SPATA17: variants seen among roughly 807,000 people sequenced by gnomAD.
SPATA17 encodes spermatogenesis-associated protein 17.
SPATA17 carries 53 observed loss-of-function variants against 62.2 expected under a neutral mutation model. The observed-to-expected ratio is 0.85, with a 90% CI of 0.68 to 1.07. SPATA17 has a LOEUF of 1.07. Among genes scored for constraint, SPATA17 ranks in the 50% least tolerant of loss-of-function variants. SPATA17 has a pLI of 0.00. For synonymous variants in SPATA17, 146 were observed against 146.8 expected, an observed-to-expected ratio of 0.99 and a Z score of 0.04; for missense variants, 466 against 425.5, an observed-to-expected ratio of 1.10 and a Z score of -0.84.
chr1:217,831,458 C>T (rs1675139535), intron 9 of SPATA17, among the ~76,000 whole-genome samples: 1 of 152,092 alleles, frequency 6.6e-6, no homozygotes, highest in Non-Finnish European at 1.5e-5. Flanking sequence ...ATGCCAAATA[C>T]TAGGGAAGCA....
At chr1:217,677,923 T>C (rs1670987774) in intron 4 of SPATA17, among the ~76,000 whole-genome samples, 1 of 152,190 alleles carries the variant, frequency 6.6e-6, no homozygotes, top group African/African-American at 2.4e-5. Flanking sequence ...TAATATTTTA[T>C]GTATAAATAT....
intron 9 of SPATA17, among the ~76,000 whole-genome samples, chr1:217,843,817 C>A: frequency 6.6e-6 from 1 of 152,240 alleles, no homozygotes; most frequent in East Asian, 1.9e-4. Context: ...TTTCTAATCC[C>A]TTTTCTATAG....
chr1:217,637,299 A>C (rs1208736064), intron 1 of SPATA17, among the ~76,000 whole-genome samples: 1 of 152,202 alleles, frequency 6.6e-6, no homozygotes, highest in Non-Finnish European at 1.5e-5. Flanking sequence ...AATATAAAGA[A>C]GATCAAAGAT....
intron 5 of SPATA17, among the ~76,000 whole-genome samples, chr1:217,699,051 A>T (rs1270258416): frequency 6.6e-6 from 1 of 152,106 alleles, no homozygotes; most frequent in African/African-American, 2.4e-5. Flanking sequence ...GCATGTATTG[A>T]TATTTCCTTT....
chr1:217,714,231 T>G (rs1464827531), intron 5 of SPATA17, among the ~76,000 whole-genome samples: 1 of 151,636 alleles, frequency 6.6e-6, no homozygotes, highest in African/African-American at 2.4e-5. Context: ...CTACTAAAAA[T>G]TAAAAAAATT....
At chr1:217,653,274 A>C (rs1458026686) in intron 3 of SPATA17, among the ~76,000 whole-genome samples, 1 of 152,228 alleles carries the variant, frequency 6.6e-6, no homozygotes, top group East Asian at 1.9e-4. Context: ...AAGCAAAGAA[A>C]CACAAAGACA....
chr1:217,754,160 A>G (rs921554521), intron 6 of SPATA17, among the ~76,000 whole-genome samples: 2 of 152,056 alleles, frequency 1.3e-5, no homozygotes, highest in Non-Finnish European at 2.9e-5. Flanking sequence ...AATTAAGCCC[A>G]GGAGGTCGAG....
In SPATA17 at chr1:217,796,222, T is replaced by C. The variant is rs1477224256; in HGVS notation, c.873-5496T>C. ...AAGAGCCTATGTGAATGCTATTTAG[T>C]TGCGGCCTTTAACTTTAGTATCTTT... On this transcript the variant is annotated intron_variant, in intron 8 of 10. Transcript: ENST00000366933. Among the ~76,000 whole-genome samples the C allele has an allele frequency of 3.3e-5, 5 of 152,174 alleles. No homozygotes were observed. In the South Asian group the frequency reaches 8.3e-4, roughly 25 times the overall value.
chr1:217,637,865 C>T (rs1669975771), intron 1 of SPATA17, among the ~76,000 whole-genome samples: 1 of 152,160 alleles, frequency 6.6e-6, no homozygotes, highest in South Asian at 2.1e-4. Context: ...AATCCTAACT[C>T]TGTATTACTT....
intron 5 of SPATA17, among the ~76,000 whole-genome samples, chr1:217,701,104 A>C (rs1325899014): frequency 4.0e-5 from 6 of 150,398 alleles, no homozygotes; most frequent in Non-Finnish European, 8.9e-5. Context: ...CCTGCCGAGT[A>C]GCTGGGACTG....
At chr1:217,655,006 A>G (rs540051453) in intron 3 of SPATA17, among the ~76,000 whole-genome samples, 13 of 152,294 alleles carry the variant, frequency 8.5e-5, no homozygotes, top group East Asian at 3.9e-4. Context: ...CACCGCACCC[A>G]GCCCTACATA....
intron 6 of SPATA17, among the ~76,000 whole-genome samples, chr1:217,762,720 C>G (rs770945227): frequency 9.2e-5 from 14 of 152,154 alleles, no homozygotes; most frequent in Non-Finnish European, 1.8e-4. Flanking sequence ...GCCCGTAATC[C>G]CAACACTTTG....
intron 9 of SPATA17, among the ~76,000 whole-genome samples, chr1:217,824,203 C>T (rs1254484562): frequency 1.3e-5 from 2 of 151,818 alleles, no homozygotes; most frequent in East Asian, 1.9e-4. Context: ...CTGTCATTTC[C>T]CCATAATTAG....
intron 8 of SPATA17, among the ~76,000 whole-genome samples, chr1:217,783,939 C>T (rs1474397210): frequency 6.6e-6 from 1 of 151,858 alleles, no homozygotes; most frequent in Non-Finnish European, 1.5e-5. Flanking sequence ...CAAAGTCTTT[C>T]TAAGATTTTC....
At chr1:217,749,521 C>A (rs1382998917) in intron 6 of SPATA17, among the ~76,000 whole-genome samples, 1 of 151,814 alleles carries the variant, frequency 6.6e-6, no homozygotes, top group Non-Finnish European at 1.5e-5. Flanking sequence ...CTAAACTATC[C>A]CCAGTTATCC....
At chr1:217,721,035 T>G (rs2102934188) in intron 5 of SPATA17, among the ~76,000 whole-genome samples, 1 of 152,280 alleles carries the variant, frequency 6.6e-6, no homozygotes, top group Admixed American at 6.5e-5. Context: ...AGATTGTGAG[T>G]TTAGCCATGA....
intron 6 of SPATA17, among the ~76,000 whole-genome samples, chr1:217,755,693 A>T (rs560468755): frequency 3.9e-5 from 6 of 152,050 alleles, no homozygotes; most frequent in African/African-American, 1.2e-4. Context: ...ATCCCACTAA[A>T]TAAATGTGAA....
chr1:217,863,097 TTAAAAATC>T (rs1243273382), intron 10 of SPATA17, among the ~76,000 whole-genome samples: 2 of 151,124 alleles, frequency 1.3e-5, no homozygotes, highest in African/African-American at 4.8e-5. Context: ...AAATAGAACA[TTAAAAATC>T]TAAAATACTC....
At chr1:217,649,736 T>C (rs1245021582) in intron 2 of SPATA17, among the ~76,000 whole-genome samples, 1 of 149,216 alleles carries the variant, frequency 6.7e-6, no homozygotes, top group Non-Finnish European at 1.5e-5. Context: ...TTTCTCACTT[T>C]TTTTTTTTTT....
Sources: allele counts gnomAD v4.1 joint callset (sites outside exome capture counted in the v4.1 genomes callset), GRCh38; gene constraint gnomAD v4.1.1; transcripts MANE v1.5; gene names NCBI Gene and HGNC (gene_info 2026-07-23, HGNC 2026-07-21).